CAMK2B: variants seen among roughly 807,000 people sequenced by gnomAD.
CAMK2B encodes the protein calcium/calmodulin-dependent protein kinase type II subunit beta.
CAMK2B carries 27 observed loss-of-function variants against 93.7 expected under a neutral mutation model. The ratio of observed to expected loss-of-function variants is 0.29; its 90% CI spans 0.21 to 0.40. The LOEUF is 0.40. Among genes scored for constraint, CAMK2B ranks in the 10% least tolerant of loss-of-function variants. The pLI, the probability that CAMK2B is intolerant of heterozygous loss-of-function variation, is 1.00. For missense variants in CAMK2B, 568 were observed against 895.8 expected (o/e 0.63, Z 4.67); for synonymous variants, 374 against 358.8 (o/e 1.04, Z -0.48).
At chr7:44,313,573 G>A (rs1016872317) in intron 1 of CAMK2B, among the ~76,000 whole-genome samples, 6 of 151,484 alleles carry the variant, frequency 4.0e-5, no homozygotes, top group African/African-American at 1.2e-4. Flanking sequence ...CACCTACTGG[G>A]TTCCTAGTCA....
chr7:44,235,337 C>T (rs868781675), intron 13 of CAMK2B, among the ~76,000 whole-genome samples: 14 of 152,374 alleles, frequency 9.2e-5, no homozygotes, highest in African/African-American at 3.4e-4. Flanking sequence ...CTGGGGCCAG[C>T]ACAGGCCTTT....
At chr7:44,316,744 T>C (rs1382981184) in intron 1 of CAMK2B, among the ~76,000 whole-genome samples, 1 of 152,210 alleles carries the variant, frequency 6.6e-6, no homozygotes, top group Non-Finnish European at 1.5e-5. Context: ...GATTCAGTAG[T>C]TTGTGTCTTT....
intron 1 of CAMK2B, among the ~76,000 whole-genome samples, chr7:44,306,397 C>T (rs1413322617): frequency 5.9e-5 from 9 of 152,228 alleles, no homozygotes. Flanking sequence ...CAAATGTCTT[C>T]CTTTAGCAAC....
intron 2 of CAMK2B, among the ~76,000 whole-genome samples, chr7:44,277,096 C>A (rs1047051134): frequency 2.6e-5 from 4 of 152,110 alleles, no homozygotes; most frequent in African/African-American, 9.7e-5. Flanking sequence ...GGGCGTCCAA[C>A]AAGGCACAAC....
intron 6 of CAMK2B, chr7:44,245,090 T>C (rs1310299366): frequency 2.5e-6 from 1 of 404,094 alleles, no homozygotes; most frequent in African/African-American, 2.1e-5. Flanking sequence ...ACTTGCTGCA[T>C]GTCCCCCCTC....
intron 1 of CAMK2B, among the ~76,000 whole-genome samples, chr7:44,295,726 G>A (rs1013447787): frequency 6.6e-6 from 1 of 152,204 alleles, no homozygotes; most frequent in Non-Finnish European, 1.5e-5. Flanking sequence ...ACGGCGTTCT[G>A]TTCTTCTTAA....
intron 1 of CAMK2B, among the ~76,000 whole-genome samples, chr7:44,318,936 C>T (rs1584951625): frequency 6.6e-6 from 1 of 152,192 alleles, no homozygotes; most frequent in African/African-American, 2.4e-5. Flanking sequence ...ACAAAAGCCA[C>T]CCAAAAGTTT....
chr7:44,284,172 T>A lies in CAMK2B; in HGVS notation c.119A>T (p.Tyr40Phe), dbSNP rs1475372090. Residue 40 changes from tyrosine (Y) to phenylalanine (F), a missense_variant, in exon 2 of 24, where the codon TAT becomes TTT. Around this residue, in one of 4 missense-constraint regions of CAMK2B, gnomAD observed 105 missense variants for 372.4 expected, o/e 0.28. Coordinates refer to ENST00000395749, the MANE Select transcript of CAMK2B (RefSeq NM_001220.5). The stretch of plus-strand genomic sequence containing the variant: ...CTTGGTGTTGATGATCTTGGCTGCA[T>A]ACTCATGGCCGGTGCAGAGCTTGAC... ...RCVKLCTGHEYAAKIINTKKL... is the reference protein window; with the variant it reads ...RCVKLCTGHEFAAKIINTKKL... The A allele has an allele frequency of 1.2e-6, 2 of 1,613,822 alleles. No individual in the cohort carries two copies. The highest frequency in any genetic ancestry group is 1.7e-6 in the Non-Finnish European group (2 of 1,179,926).
At chr7:44,273,516 G>A (rs1337062677) in intron 2 of CAMK2B, among the ~76,000 whole-genome samples, 2 of 143,782 alleles carry the variant, frequency 1.4e-5, no homozygotes, top group Admixed American at 1.4e-4. Context: ...GGCTTGCTAG[G>A]CCATCCCTCC....
Position 44,296,227 on chromosome 7 carries a change from T to C in CAMK2B, c.66-12002A>G, listed in dbSNP as rs566986956. On this transcript the variant is annotated intron_variant, in intron 1 of 23. Coordinates refer to ENST00000395749, the MANE Select transcript of CAMK2B (RefSeq NM_001220.5). ...GCTCTAATGGGAGAAGTGGACAACA[T>C]ACAAGAACAGGCGGGTGATGTAAGT... Among the ~76,000 whole-genome samples, 149 of 152,190 alleles carry C rather than the reference T, an allele frequency of 9.8e-4. 2 individuals carry two copies. Among genetic ancestry groups the C allele is most frequent in the African/African-American group, 3.5e-3 (144 of 41,526 alleles).
chr7:44,222,352 G>A (rs1016928415), intron 20 of CAMK2B, among the ~76,000 whole-genome samples: 18 of 152,282 alleles, frequency 1.2e-4, no homozygotes, highest in Admixed American at 1.0e-3. Flanking sequence ...AGGCCCTGTG[G>A]TGACGTTTCC....
At chr7:44,276,469 GCT>G (rs2097044344) in intron 2 of CAMK2B, among the ~76,000 whole-genome samples, 1 of 152,188 alleles carries the variant, frequency 6.6e-6, no homozygotes, top group African/African-American at 2.4e-5. Flanking sequence ...AGGCAGGCAG[GCT>G]TCTGGCTGGG....
At chr7:44,307,971 C>T (rs1233655116) in intron 1 of CAMK2B, among the ~76,000 whole-genome samples, 1 of 151,986 alleles carries the variant, frequency 6.6e-6, no homozygotes, top group Non-Finnish European at 1.5e-5. Flanking sequence ...CCTAAGTGAT[C>T]CTCCCACCTG....
chr7:44,247,845 T>C (rs2096746311), intron 5 of CAMK2B, among the ~76,000 whole-genome samples: 1 of 152,152 alleles, frequency 6.6e-6, no homozygotes. Context: ...CTGGCCAACA[T>C]GGCGAAACCC....
intron 17 of CAMK2B, 83 bp from the exon 18 acceptor site, chr7:44,229,584 AGGAG>A (rs1351651402): frequency 5.3e-4 from 135 of 257,054 alleles, no homozygotes; most frequent in Middle Eastern, 1.2e-3. Flanking sequence ...GGGGGAGGCC[AGGAG>A]GGAGGGAGGG....
At chr7:44,234,578 G>A (rs1468614315) in intron 14 of CAMK2B, 61 bp downstream of exon 14, 14 of 1,597,578 alleles carry the variant, frequency 8.8e-6, no homozygotes, top group African/African-American at 1.3e-5. Context: ...GCCCCAGGGC[G>A]TGGGGGTGAA....
chr7:44,227,807 G>GAGGGTGTGGGGGACAGAGA (rs2128904805), intron 19 of CAMK2B, among the ~76,000 whole-genome samples: 1 of 123,290 alleles, frequency 8.1e-6, no homozygotes, highest in African/African-American at 3.3e-5. Context: ...GGGGACAGAG[G>GAGGGTGTGGGGGACAGAGA]GAGAATGTGA....
intron 1 of CAMK2B, among the ~76,000 whole-genome samples, chr7:44,295,053 G>A (rs1243297431): frequency 1.3e-5 from 2 of 152,188 alleles, no homozygotes; most frequent in Non-Finnish European, 2.9e-5. Flanking sequence ...GAAGACCTGG[G>A]GTGAATTCTG....
chr7:44,310,203 G>A (rs1793161039), intron 1 of CAMK2B, among the ~76,000 whole-genome samples: 1 of 152,260 alleles, frequency 6.6e-6, no homozygotes, highest in African/African-American at 2.4e-5. Flanking sequence ...TTCATCCTTC[G>A]AAAGTTTTAT....
Sources: gnomAD v4.1 joint callset for allele counts (sites outside exome capture counted in the v4.1 genomes callset) on GRCh38, gnomAD v4.1.1 for gene constraint, gnomAD v4.1.1 regional missense constraint, MANE v1.5 for transcripts, NCBI Gene and HGNC (gene_info 2026-07-23, HGNC 2026-07-21) for gene names.